The following ARHGAP26 variants were observed in gnomAD, a reference collection of about 807,000 sequenced individuals.
The protein encoded by ARHGAP26 is rho GTPase-activating protein 26.
Under a neutral mutation model 104.8 loss-of-function variants are expected in ARHGAP26, and 38 were observed. The ratio of observed to expected loss-of-function variants is 0.36; its 90% CI spans 0.28 to 0.48. The LOEUF (loss-of-function observed/expected upper bound fraction) is 0.48, where lower values mean the gene tolerates loss of function less well. ARHGAP26 is among the 20% of genes least tolerant of loss of function. ARHGAP26 has a pLI of 0.99. For missense variants in ARHGAP26, 704 were observed against 947.9 expected (o/e 0.74, Z 3.38); for synonymous variants, 341 against 340.0 (o/e 1.00, Z -0.03).
At chr5:142,838,237 AAG>A (rs1770001297) in intron 1 of ARHGAP26, among the ~76,000 whole-genome samples, 1 of 152,078 alleles carries the variant, frequency 6.6e-6, no homozygotes, top group East Asian at 1.9e-4. Flanking sequence ...CAGCCTGGGC[AAG>A]AGAGTGAGAC....
intron 12 of ARHGAP26, among the ~76,000 whole-genome samples, chr5:143,031,233 G>A (rs1488548714): frequency 6.6e-6 from 1 of 152,262 alleles, no homozygotes; most frequent in African/African-American, 2.4e-5. Context: ...AGCTTTGTGA[G>A]CAAGTAAGGA....
chr5:143,051,183 T>G (rs1784965068), intron 14 of ARHGAP26, among the ~76,000 whole-genome samples: 1 of 152,228 alleles, frequency 6.6e-6, no homozygotes, highest in South Asian at 2.1e-4. Context: ...TAGGTAACTT[T>G]CCTAATAATT....
chr5:142,906,118 A>G (rs1036014366), intron 8 of ARHGAP26, among the ~76,000 whole-genome samples: 4 of 152,260 alleles, frequency 2.6e-5, no homozygotes, highest in Admixed American at 6.5e-5. Context: ...TGGATTATGC[A>G]TCTCTGGTCA....
chr5:142,779,754 T>C (rs1413973441), intron 1 of ARHGAP26, among the ~76,000 whole-genome samples: 1 of 152,218 alleles, frequency 6.6e-6, no homozygotes, highest in African/African-American at 2.4e-5. Flanking sequence ...GAGTTGAACT[T>C]TGGCTGTTTC....
At chr5:143,139,313 C>T (rs1278351362) in intron 19 of ARHGAP26, among the ~76,000 whole-genome samples, 3 of 152,210 alleles carry the variant, frequency 2.0e-5, no homozygotes, top group African/African-American at 7.2e-5. Flanking sequence ...CTTATATCCA[C>T]ATTTTACAGA....
chr5:143,138,998 G>A (rs773803198), intron 19 of ARHGAP26, among the ~76,000 whole-genome samples: 1 of 152,040 alleles, frequency 6.6e-6, no homozygotes, highest in Non-Finnish European at 1.5e-5. Flanking sequence ...CATTCTTTTA[G>A]GGTTAGCTGT....
chr5:143,112,298 C>T (rs1794874191), intron 17 of ARHGAP26, among the ~76,000 whole-genome samples: 2 of 151,908 alleles, frequency 1.3e-5, no homozygotes, highest in African/African-American at 2.4e-5. Flanking sequence ...ACAGAGTGGC[C>T]CAGGAATGGG....
chr5:143,153,772 G>A (rs1015676147), intron 20 of ARHGAP26, among the ~76,000 whole-genome samples: 13 of 149,072 alleles, frequency 8.7e-5, no homozygotes, highest in East Asian at 7.7e-4. Flanking sequence ...AATTTTTCTC[G>A]TCCTTCTGTC....
intron 5 of ARHGAP26, among the ~76,000 whole-genome samples, chr5:142,885,819 A>G (rs1757619902): frequency 6.6e-6 from 1 of 152,032 alleles, no homozygotes; most frequent in South Asian, 2.1e-4. Context: ...ATCCTTCCTT[A>G]ATATTGATTT....
Position 143,222,512 on chromosome 5 carries a change from G to A in ARHGAP26, c.*66G>A, listed in dbSNP as rs761641881. 16 of 1,324,598 alleles carry A rather than the reference G, an allele frequency of 1.2e-5. No homozygotes were observed. Among genetic ancestry groups the A allele is most frequent in the Admixed American group, 1.1e-4 (5 of 44,958 alleles). The allele number at this position is 1,324,598 out of a possible 1,614,324, so 82.1% of individuals were successfully genotyped here. A position where few individuals can be genotyped will look rare whatever the true frequency, so the allele number is the denominator to read the frequency against. On this transcript the variant is annotated 3_prime_UTR_variant, in exon 23 of 23. Transcript: ENST00000645722. ...CATGACAACTGCTGATTCCAGTGTCGAGGCCATTTCTCTTTGCCACTGAGA... is the reference window on the plus strand; with the variant it reads ...CATGACAACTGCTGATTCCAGTGTCAAGGCCATTTCTCTTTGCCACTGAGA...
chr5:142,988,938 C>T (rs1030042120), intron 11 of ARHGAP26, among the ~76,000 whole-genome samples: 30 of 152,146 alleles, frequency 2.0e-4, no homozygotes, highest in Non-Finnish European at 4.0e-4. Flanking sequence ...GAATAAGTGT[C>T]GTCTGGTGCT....
intron 19 of ARHGAP26, among the ~76,000 whole-genome samples, 190 bp from the exon 20 acceptor site, chr5:143,147,041 G>A (rs1799247271): frequency 6.6e-6 from 1 of 152,120 alleles, no homozygotes; most frequent in Non-Finnish European, 1.5e-5. Context: ...TTAAAATTTC[G>A]AGTCACCTGT....
At chr5:143,059,630 G>C (rs1230123761) in intron 17 of ARHGAP26, among the ~76,000 whole-genome samples, 1 of 152,090 alleles carries the variant, frequency 6.6e-6, no homozygotes, top group Non-Finnish European at 1.5e-5. Context: ...ACTGGAATTT[G>C]CAAATCACAG....
chr5:142,862,933 TTC>T (rs1187024394), intron 1 of ARHGAP26, among the ~76,000 whole-genome samples: 7 of 152,188 alleles, frequency 4.6e-5, no homozygotes, highest in African/African-American at 1.7e-4. Context: ...AGAGTCTGTG[TTC>T]TCTCAATTGG....
chr5:142,926,709 A>G (rs1763955827), intron 10 of ARHGAP26, among the ~76,000 whole-genome samples: 1 of 152,064 alleles, frequency 6.6e-6, no homozygotes, highest in Non-Finnish European at 1.5e-5. Flanking sequence ...AGTGCTGTGT[A>G]TGAGTGTGTT....
rs910961941 is a variant in ARHGAP26, at chr5:143,147,100, G to C, written c.1838-131G>C. 2.6e-6 allele frequency: 3 copies of C among 1,133,406 alleles called. No homozygotes were observed. In the African/African-American group the frequency reaches 4.7e-5, roughly 18 times the overall value. The allele number at this position is 1,133,406 out of a possible 1,614,324, so 70.2% of individuals were successfully genotyped here. On this transcript the variant is annotated intron_variant, in intron 19 of 22. Transcript: ENST00000645722. ...ACTTTTAATTCTTAACCTTTTCTAT[G>C]TTGTTTCTTAAGCTTCCCTGGGATC...
At chr5:143,041,147 G>T (rs948546694) in intron 13 of ARHGAP26, among the ~76,000 whole-genome samples, 5 of 152,198 alleles carry the variant, frequency 3.3e-5, no homozygotes, top group Non-Finnish European at 2.9e-5. Context: ...AAATGGTACA[G>T]TGGTGATCTA....
chr5:143,185,059 G>A (rs1247685093), intron 20 of ARHGAP26, among the ~76,000 whole-genome samples: 1 of 152,114 alleles, frequency 6.6e-6, no homozygotes, highest in African/African-American at 2.4e-5. Context: ...CAACAATACT[G>A]ATGGTTGGGT....
intron 20 of ARHGAP26, among the ~76,000 whole-genome samples, chr5:143,151,463 C>T (rs923117748): frequency 6.6e-6 from 1 of 152,210 alleles, no homozygotes; most frequent in African/African-American, 2.4e-5. Context: ...ACACAAAAAC[C>T]TGCACATGGA....
Sources: allele counts gnomAD v4.1 joint callset (sites outside exome capture counted in the v4.1 genomes callset), GRCh38; gene constraint gnomAD v4.1.1; transcripts MANE v1.5; gene names NCBI Gene and HGNC (gene_info 2026-07-23, HGNC 2026-07-21).